PSMD11: variants seen among roughly 807,000 people sequenced by gnomAD.
The protein encoded by PSMD11 is proteasome 26S subunit, non-ATPase 11.
A neutral mutation model predicts 62.3 loss-of-function variants in PSMD11; 5 were observed. The ratio of observed to expected loss-of-function variants is 0.08; its 90% CI spans 0.04 to 0.17. The LOEUF (loss-of-function observed/expected upper bound fraction) is 0.17, where lower values mean the gene tolerates loss of function less well. Among genes scored for constraint, PSMD11 ranks in the 10% least tolerant of loss-of-function variants. PSMD11 has a pLI of 1.00. For synonymous variants in PSMD11, 191 were observed against 191.8 expected (o/e 1.00, Z 0.03); for missense variants, 310 against 512.9 (o/e 0.60, Z 3.82).
Position 32,480,470 on chromosome 17 carries a change from G to A in PSMD11, c.1127-19G>A. The A allele has an allele frequency of 6.2e-7, 1 of 1,614,098 alleles. No individual in the cohort carries two copies. Among genetic ancestry groups the A allele is most frequent in the Non-Finnish European group, 8.5e-7 (1 of 1,179,954 alleles). On this transcript the variant is annotated intron_variant, in intron 12 of 13. Transcript: ENST00000261712. ...TCTAACCTCATCTTTTACCTGGGTT[G>A]CCCTTGTGTTTCTTGCAGGGATTTT...
At position 32,451,892 on chromosome 17, in the gene PSMD11, C is replaced by G. The variant is rs113887230; in HGVS notation, c.194-2603C>G. On this transcript the variant is annotated intron_variant, in intron 2 of 13. Transcript: ENST00000261712. ...TAACTGGGACTACAGGCCTTCACCACCATGCCTGGCTAATTTTTGTAGAGA... is the reference window on the plus strand; with the variant it reads ...TAACTGGGACTACAGGCCTTCACCAGCATGCCTGGCTAATTTTTGTAGAGA... Among the ~76,000 whole-genome samples, 945 of 152,244 alleles carry G rather than the reference C, an allele frequency of 6.2e-3. 12 individuals are homozygous for G. The highest frequency in any genetic ancestry group is 0.021 in the African/African-American group (870 of 41,536).
chr17:32,450,923 C>A (rs1907475070), intron 2 of PSMD11, among the ~76,000 whole-genome samples: 2 of 150,044 alleles, frequency 1.3e-5, no homozygotes, highest in African/African-American at 2.5e-5. Flanking sequence ...TTTTTTAAAG[C>A]AGCATGGGTA....
chr17:32,444,732 G>C (rs1262992510), intron 1 of PSMD11, 118 bp downstream of exon 1: 4 of 1,313,608 alleles, frequency 3.0e-6, no homozygotes, highest in Non-Finnish European at 3.1e-6. Context: ...ACTGTGTGAG[G>C]GGGGCCGGGC....
rs1040996270 is a variant in PSMD11, at chr17:32,469,304, G to T, written c.643+111G>T. 7 of 1,163,410 alleles carry T rather than the reference G, an allele frequency of 6.0e-6. No individual in the cohort carries two copies. In the Admixed American group the frequency reaches 1.9e-4, roughly 32 times the overall value. The allele number at this position is 1,163,410 out of a possible 1,614,324, so 72.1% of individuals were successfully genotyped here. ...AATAAAATTGGCTGATTTGGCTCTAGCTTCTTCAGAGAACCAGTTAGAAAG... is the reference window on the plus strand; with the variant it reads ...AATAAAATTGGCTGATTTGGCTCTATCTTCTTCAGAGAACCAGTTAGAAAG... On this transcript the variant is annotated intron_variant, in intron 6 of 13. Transcript: ENST00000261712.
chr17:32,444,844 C>T (rs1198280040), intron 1 of PSMD11: 7 of 572,388 alleles, frequency 1.2e-5, no homozygotes, highest in African/African-American at 8.0e-5. Context: ...TGCTGACTCA[C>T]GGGGGGCTCA....
rs1158515699 is a variant in PSMD11 at position 32,481,773 on chromosome 17, A to G, written c.*1021A>G. On this transcript the variant is annotated 3_prime_UTR_variant, in exon 14 of 14. Transcript: ENST00000261712. ...TTTATTCCTTTTTTAAACAATGAACATCGGAAATGAGACTGTGGGGTGTGG... is the reference window on the plus strand; with the variant it reads ...TTTATTCCTTTTTTAAACAATGAACGTCGGAAATGAGACTGTGGGGTGTGG... The G allele has an allele frequency of 2.0e-5, 3 of 151,690 alleles. No individual in the cohort carries two copies. The highest frequency in any genetic ancestry group is 1.9e-4 in the East Asian group (1 of 5,152). The allele number at this position is 151,690 out of a possible 1,614,324, so 9.4% of individuals were successfully genotyped here. A position where few individuals can be genotyped will look rare whatever the true frequency, so the allele number is the denominator to read the frequency against.
chr17:32,464,030 C>G lies in PSMD11; in HGVS notation c.319-19C>G. On this transcript the variant is annotated intron_variant, in intron 3 of 13. Coordinates refer to ENST00000261712, the MANE Select transcript of PSMD11 (RefSeq NM_002815.4). ...ATTTGAGGACATAATGTTGCATGTA[C>G]TGTCTCTCCTTATTGCAGGTCGAGC... is the stretch of plus-strand genomic sequence containing the variant. 1.2e-6 allele frequency: 2 copies of G among 1,610,532 alleles called. No homozygotes were observed. Among genetic ancestry groups the G allele is most frequent in the Non-Finnish European group, 1.7e-6 (2 of 1,176,734 alleles).
intron 1 of PSMD11, chr17:32,445,882 T>A (rs1196483252): frequency 2.0e-5 from 3 of 152,194 alleles, no homozygotes; most frequent in Non-Finnish European, 4.4e-5. Flanking sequence ...GTGTTTCATT[T>A]TAAAAGTTCT....
chr17:32,482,618 G>C lies in PSMD11; in HGVS notation c.*1866G>C, dbSNP rs1226099848. On this transcript the variant is annotated 3_prime_UTR_variant, in exon 14 of 14. Coordinates refer to ENST00000261712, the MANE Select transcript of PSMD11 (RefSeq NM_002815.4). ...CTTCCAGGGCAGCATGGTCCAGTGA[G>C]CACATGTAAGTTTGGGCAGTAGATC... The C allele has an allele frequency of 6.6e-6, 1 of 152,260 alleles. No individual in the cohort carries two copies. Among genetic ancestry groups the C allele is most frequent in the Non-Finnish European group, 1.5e-5 (1 of 68,072 alleles). 9.4% of individuals were successfully genotyped at this position (152,260 alleles called of 1,614,324 possible).
Position 32,473,787 on chromosome 17 carries a change from T to C in PSMD11, c.644-14T>C, listed in dbSNP as rs1296558681. 2.5e-6 allele frequency: 4 copies of C among 1,612,794 alleles called. No individual in the cohort carries two copies. The highest frequency in any genetic ancestry group is 3.4e-6 in the Non-Finnish European group (4 of 1,178,964). ...TATTTTATATGTTCTTATTCCTTTC[T>C]TTTCAATGCCCAGGTATTATCCATG... On this transcript the variant is annotated splice_polypyrimidine_tract_variant and intron_variant, in intron 6 of 13. Coordinates refer to ENST00000261712, the MANE Select transcript of PSMD11 (RefSeq NM_002815.4).
intron 9 of PSMD11, among the ~76,000 whole-genome samples, chr17:32,478,732 C>G (rs1329967759): frequency 6.6e-6 from 1 of 152,132 alleles, no homozygotes; most frequent in Non-Finnish European, 1.5e-5. Context: ...TTTTCCCCCC[C>G]ATGGAGACCC....
chr17:32,459,136 A>ATG (rs1555616129), intron 3 of PSMD11, among the ~76,000 whole-genome samples: 3 of 142,372 alleles, frequency 2.1e-5, no homozygotes, highest in African/African-American at 7.7e-5. Flanking sequence ...ATATATATAT[A>ATG]TATGTATTTT....
intron 3 of PSMD11, among the ~76,000 whole-genome samples, chr17:32,458,843 T>C (rs1213429327): frequency 1.3e-5 from 2 of 152,150 alleles, no homozygotes; most frequent in Non-Finnish European, 2.9e-5. Context: ...ATTTTTTTTC[T>C]TTACACTGTT....
chr17:32,475,960 T>C (rs750160534), intron 8 of PSMD11, among the ~76,000 whole-genome samples: 2 of 152,002 alleles, frequency 1.3e-5, no homozygotes, highest in Non-Finnish European at 2.9e-5. Flanking sequence ...CTGAAACTTT[T>C]GCTGATAAAA....
chr17:32,480,147 C>T lies in PSMD11; in HGVS notation c.1076C>T (p.Ala359Val). ...HISSLIKLSK[A>V]DVERKLSQMI... is the part of the protein sequence containing the mutation. ...TTTAATCATGTGCTTTGATTTTAGG[C>T]CGACGTGGAAAGGAAATTATCACAG... Residue 359 changes from alanine (A) to valine (V), a missense_variant and splice_region_variant, in exon 12 of 14, where the codon GCC becomes GTC. This residue lies in a region of PSMD11 where 135 missense variants were observed against 195.4 expected (regional missense o/e 0.69). Transcript: ENST00000261712. 6.2e-7 allele frequency: 1 copy of T among 1,613,420 alleles called. No homozygotes were observed.
chr17:32,456,113 C>T (rs1457097778), intron 3 of PSMD11, among the ~76,000 whole-genome samples: 6 of 133,164 alleles, frequency 4.5e-5, no homozygotes, highest in African/African-American at 1.2e-4. Context: ...CATTGCACTC[C>T]AGCCTGGGTG....
chr17:32,450,119 C>T (rs561459875), intron 2 of PSMD11, among the ~76,000 whole-genome samples: 2 of 152,120 alleles, frequency 1.3e-5, no homozygotes, highest in Non-Finnish European at 2.9e-5. Context: ...CACCACCACC[C>T]CCGGTTAATT....
chr17:32,451,790 G>A (rs1907507436), intron 2 of PSMD11, among the ~76,000 whole-genome samples: 1 of 152,288 alleles, frequency 6.6e-6, no homozygotes, highest in African/African-American at 2.4e-5. Flanking sequence ...CCAAGCTGGA[G>A]TGCAGTGGCA....
rs548723745 is a variant in PSMD11, at chr17:32,457,927, A to G, written c.318+3308A>G. 6.6e-5 allele frequency among the ~76,000 whole-genome samples: 10 copies of G among 151,674 alleles called. No homozygotes were observed. In the East Asian group the frequency reaches 1.7e-3, roughly 27 times the overall value. ...GCAATTCTCCTGCCTCAGCCTCCCA[A>G]GTAGCTGGGATTACAGGTGCCCGCC... On this transcript the variant is annotated intron_variant, in intron 3 of 13. Transcript: ENST00000261712.
Sources: gnomAD v4.1 joint callset for allele counts (sites outside exome capture counted in the v4.1 genomes callset) on GRCh38, gnomAD v4.1.1 for gene constraint, gnomAD v4.1.1 regional missense constraint, MANE v1.5 for transcripts, NCBI Gene and HGNC (gene_info 2026-07-23, HGNC 2026-07-21) for gene names.